Variants in MGAT4C observed in about 807,000 individuals in gnomAD.
MGAT4C encodes the protein alpha-1,3-mannosyl-glycoprotein 4-beta-N-acetylglucosaminyltransferase C.
A neutral mutation model predicts 40.1 loss-of-function variants in MGAT4C; 19 were observed. The observed-to-expected ratio is 0.47, with a 90% CI of 0.33 to 0.70. The LOEUF is 0.70. Ranked by LOEUF, MGAT4C falls within the 30% of genes least tolerant of loss-of-function variation. The pLI, the probability that MGAT4C is intolerant of heterozygous loss-of-function variation, is 0.02. For synonymous variants in MGAT4C, 181 were observed against 187.1 expected (o/e 0.97, Z 0.27); for missense variants, 491 against 563.2 (o/e 0.87, Z 1.30).
At chr12:86,401,093 T>A (rs1956350986) in intron 3 of MGAT4C, among the ~76,000 whole-genome samples, 1 of 152,136 alleles carries the variant, frequency 6.6e-6, no homozygotes, top group Non-Finnish European at 1.5e-5. Flanking sequence ...TATCTCAGTA[T>A]TTTAAATTAA....
In MGAT4C at chr12:86,517,144, T is replaced by C. The variant is rs139656460; in HGVS notation, c.-228-81879A>G. On this transcript the variant is annotated intron_variant, in intron 2 of 7. Coordinates refer to the MGAT4C transcript ENST00000548651. ...AAATAACTTGGTAGTTCTCAAAATG[T>C]TAAAGGTAGAGTTACCATATAATGT... Among the ~76,000 whole-genome samples, 965 of 152,308 alleles carry C rather than the reference T, an allele frequency of 6.3e-3. 10 individuals carry two copies. The highest frequency in any genetic ancestry group is 0.022 in the African/African-American group (921 of 41,570).
Position 86,488,665 on chromosome 12 carries a change from G to A in MGAT4C, c.-228-53400C>T, listed in dbSNP as rs575638865. 2.2e-4 allele frequency among the ~76,000 whole-genome samples: 34 copies of A among 152,130 alleles called. No individual in the cohort carries two copies. The Middle Eastern group carries it at 0.01, about 46-fold the overall frequency. ...GAACCTCAATTCTAAAATCTATGAG[G>A]AACCGTATTATTTCTCAGTTGGAGA... On this transcript the variant is annotated intron_variant, in intron 2 of 7. Transcript: ENST00000548651.
chr12:86,104,168 A>G (rs929550073), intron 1 of MGAT4C, among the ~76,000 whole-genome samples: 2 of 151,980 alleles, frequency 1.3e-5, no homozygotes, highest in African/African-American at 4.8e-5. Flanking sequence ...AAAGCCTGTA[A>G]TCTCAGCACT....
At chr12:86,572,555 C>T (rs1042245755) in intron 2 of MGAT4C, among the ~76,000 whole-genome samples, 2 of 152,104 alleles carry the variant, frequency 1.3e-5, no homozygotes, top group South Asian at 4.1e-4. Flanking sequence ...ACATCTAGCT[C>T]ACATGGATCC....
At chr12:86,786,484 T>C (rs1951933766) in intron 1 of MGAT4C, among the ~76,000 whole-genome samples, 2 of 152,082 alleles carry the variant, frequency 1.3e-5, no homozygotes, top group South Asian at 2.1e-4. Context: ...AAATTAAATA[T>C]GTTGGTGAGA....
rs367726480 is a variant in MGAT4C, at chr12:86,696,214, GA to G, written c.-229+30994del. 3.5e-4 allele frequency among the ~76,000 whole-genome samples: 51 copies of G among 144,054 alleles called. 1 individual carries two copies. Among genetic ancestry groups the G allele is most frequent in the South Asian group, 6.6e-4 (3 of 4,542 alleles). 94.5% of individuals were successfully genotyped at this position (144,054 alleles called of 152,430 possible). A position where few individuals can be genotyped will look rare whatever the true frequency, so the allele number is the denominator to read the frequency against. ...CAGCCTGGCAACAGAGTGAGACTCA[GA>G]AAAAAAAAAAGTATAATTGGATTGT... is the stretch of plus-strand genomic sequence containing the variant. On this transcript the variant is annotated intron_variant, in intron 2 of 7. Transcript: ENST00000548651.
intron 4 of MGAT4C, among the ~76,000 whole-genome samples, chr12:86,262,874 T>C (rs1213039031): frequency 1.3e-5 from 2 of 152,120 alleles, no homozygotes; most frequent in Admixed American, 1.3e-4. Context: ...TATTTGTACT[T>C]CCAAAATTTT....
chr12:86,365,900 A>C (rs943808414), intron 3 of MGAT4C, among the ~76,000 whole-genome samples: 1 of 152,112 alleles, frequency 6.6e-6, no homozygotes, highest in African/African-American at 2.4e-5. Context: ...TAAATTTTAG[A>C]ATAGGTTTTT....
intron 4 of MGAT4C, among the ~76,000 whole-genome samples, chr12:86,279,983 G>A (rs1298685529): frequency 1.3e-5 from 2 of 152,000 alleles, no homozygotes; most frequent in African/African-American, 4.8e-5. Context: ...ATTATGATCA[G>A]AGAAGATGAT....
At chr12:86,214,235 C>T (rs1417936347) in intron 1 of MGAT4C, among the ~76,000 whole-genome samples, 1 of 152,148 alleles carries the variant, frequency 6.6e-6, no homozygotes, top group Non-Finnish European at 1.5e-5. Context: ...GCATAGACCC[C>T]TTTTCTTCTG....
At chr12:86,157,696 A>G (rs1389019824) in intron 1 of MGAT4C, among the ~76,000 whole-genome samples, 1 of 152,136 alleles carries the variant, frequency 6.6e-6, no homozygotes, top group Non-Finnish European at 1.5e-5. Flanking sequence ...GAGGAAGGTG[A>G]AGGAAAAGAA....
Position 86,036,693 on chromosome 12 carries a change from G to A in MGAT4C, c.-7+12981C>T. Reference sequence around the variant, plus strand: ...GCTTTTTGATGTGCTGCTGGATTCGGTTTCCAGTATTTTATTGATTTTTGC... The same window carrying A: ...GCTTTTTGATGTGCTGCTGGATTCGATTTCCAGTATTTTATTGATTTTTGC... On this transcript the variant is annotated intron_variant, in intron 2 of 4. Transcript: ENST00000611864. Among the ~76,000 whole-genome samples the A allele has an allele frequency of 1.3e-5, 2 of 149,934 alleles. 1 individual carries two copies. Among genetic ancestry groups the A allele is most frequent in the Non-Finnish European group, 3.0e-5 (2 of 66,886 alleles).
chr12:86,569,175 T>C (rs1960262547), intron 2 of MGAT4C, among the ~76,000 whole-genome samples: 1 of 151,780 alleles, frequency 6.6e-6, no homozygotes, highest in African/African-American at 2.4e-5. Context: ...AGCCTCCAAA[T>C]AGAAAAATAA....
At chr12:86,616,237 C>A (rs995261558) in intron 2 of MGAT4C, among the ~76,000 whole-genome samples, 41 of 152,130 alleles carry the variant, frequency 2.7e-4, no homozygotes, top group Non-Finnish European at 5.6e-4. Context: ...AGTTATAAAA[C>A]CCCTGCTGTA....
chr12:86,199,392 A>G (rs1472851796), intron 1 of MGAT4C, among the ~76,000 whole-genome samples: 1 of 152,040 alleles, frequency 6.6e-6, no homozygotes, highest in Non-Finnish European at 1.5e-5. Flanking sequence ...AAAAAGTAGA[A>G]TTTTGTTCTA....
At chr12:86,177,878 C>A (rs1323931247) in intron 1 of MGAT4C, among the ~76,000 whole-genome samples, 1 of 152,096 alleles carries the variant, frequency 6.6e-6, no homozygotes, top group African/African-American at 2.4e-5. Flanking sequence ...AATAAAAATT[C>A]TAGCCTATTA....
intron 2 of MGAT4C, among the ~76,000 whole-genome samples, chr12:86,441,740 C>A (rs1034658640): frequency 6.6e-6 from 1 of 151,996 alleles, no homozygotes; most frequent in Non-Finnish European, 1.5e-5. Flanking sequence ...TTAATCTAGG[C>A]AATCATTAAT....
intron 2 of MGAT4C, among the ~76,000 whole-genome samples, chr12:86,545,644 C>CT (rs917495256): frequency 6.1e-4 from 92 of 151,788 alleles, no homozygotes; most frequent in African/African-American, 2.1e-3. Flanking sequence ...AAACAGTGTG[C>CT]TTTTTTCTCT....
chr12:86,630,514 G>T (rs146687638), intron 2 of MGAT4C, among the ~76,000 whole-genome samples: 1 of 152,174 alleles, frequency 6.6e-6, no homozygotes, highest in South Asian at 2.1e-4. Context: ...TAAAATACTC[G>T]CAAACTGAAT....
Sources: allele counts gnomAD v4.1 joint callset (sites outside exome capture counted in the v4.1 genomes callset), GRCh38; gene constraint gnomAD v4.1.1; transcripts MANE v1.5; gene names NCBI Gene and HGNC (gene_info 2026-07-23, HGNC 2026-07-21).